The following PCTP variants were observed in gnomAD, a reference collection of about 807,000 sequenced individuals.
The protein encoded by PCTP is START domain-containing protein 2.
PCTP carries 27 observed loss-of-function variants against 31.0 expected under a neutral mutation model. That is an observed-to-expected ratio of 0.87 (90% confidence interval 0.64 to 1.20). The LOEUF is 1.20. Ranked by LOEUF, PCTP falls within the 50% of genes most tolerant of loss-of-function variation. The pLI is 0.00. For missense variants in PCTP, 287 were observed against 268.2 expected, an observed-to-expected ratio of 1.07 and a Z score of -0.49; for synonymous variants, 108 against 101.2, an observed-to-expected ratio of 1.07 and a Z score of -0.40.
At chr17:55,832,308 CTAT>C (rs1248063970) in intron 5 of PCTP, among the ~76,000 whole-genome samples, 2 of 152,162 alleles carry the variant, frequency 1.3e-5, no homozygotes, top group African/African-American at 4.8e-5. Flanking sequence ...AAGTATCATG[CTAT>C]TATTATTTTT....
chr17:55,785,602 CAA>C (rs1236376180), intron 2 of PCTP, among the ~76,000 whole-genome samples: 1 of 152,208 alleles, frequency 6.6e-6, no homozygotes, highest in Non-Finnish European at 1.5e-5. Context: ...CCAAACCAAA[CAA>C]AATGATCACA....
At chr17:55,763,905 T>G (rs1910484070) in intron 1 of PCTP, among the ~76,000 whole-genome samples, 2 of 152,180 alleles carry the variant, frequency 1.3e-5, no homozygotes, top group African/African-American at 4.8e-5. Context: ...ATTGTATTGA[T>G]GAAGTAGGAA....
At chr17:55,766,060 G>A (rs531481032) in intron 1 of PCTP, among the ~76,000 whole-genome samples, 1 of 152,178 alleles carries the variant, frequency 6.6e-6, no homozygotes, top group African/African-American at 2.4e-5. Flanking sequence ...CCCTTGCAAG[G>A]CATCATTTAT....
intron 5 of PCTP, among the ~76,000 whole-genome samples, chr17:55,841,578 G>A (rs1337479215): frequency 2.0e-5 from 3 of 152,036 alleles, no homozygotes; most frequent in Admixed American, 6.6e-5. Flanking sequence ...TTAATGCCAC[G>A]GTCTGTGGTT....
intron 5 of PCTP, chr17:55,775,834 G>A: frequency 1.2e-5 from 16 of 1,297,740 alleles, no homozygotes; most frequent in African/African-American, 1.5e-5. Flanking sequence ...TGCAACAGAA[G>A]TTCCTGTTGA....
chr17:55,845,286 T>A (rs114824164), downstream of PCTP, among the ~76,000 whole-genome samples: 1,039 of 152,098 alleles, frequency 6.8e-3, 15 homozygotes, highest in African/African-American at 0.023. Context: ...ACTTTGCTCA[T>A]AGGTCTTTCA....
chr17:55,754,093 G>A (rs1011837220), intron 1 of PCTP, among the ~76,000 whole-genome samples: 1 of 152,204 alleles, frequency 6.6e-6, no homozygotes, highest in African/African-American at 2.4e-5. Flanking sequence ...CACCAAGTAA[G>A]CAGTCAGTTT....
At chr17:55,775,426 T>C in intron 5 of PCTP, 1 of 1,231,982 alleles carries the variant, frequency 8.1e-7, no homozygotes, top group Non-Finnish European at 1.0e-6. Flanking sequence ...ACAGATTCCT[T>C]GGAAGAGTGA....
intron 3 of PCTP, among the ~76,000 whole-genome samples, chr17:55,793,712 G>C (rs7221551): frequency 0.042 from 6,448 of 152,092 alleles, 447 homozygotes; most frequent in African/African-American, 0.14. Context: ...GGCGGTAGTC[G>C]CTGCTCTCAT....
chr17:55,823,250 A>G (rs936982149), downstream of PCTP, among the ~76,000 whole-genome samples: 1 of 152,230 alleles, frequency 6.6e-6, no homozygotes, highest in Non-Finnish European at 1.5e-5. Context: ...TTTTTACCCT[A>G]GTATTACAAA....
downstream of PCTP, among the ~76,000 whole-genome samples, chr17:55,846,409 T>A (rs1906151296): frequency 6.6e-6 from 1 of 152,084 alleles, no homozygotes; most frequent in African/African-American, 2.4e-5. Context: ...GCTACATCAA[T>A]AATCACACAT....
downstream of PCTP, among the ~76,000 whole-genome samples, chr17:55,779,667 C>A (rs775560905): frequency 8.5e-5 from 13 of 152,276 alleles, no homozygotes; most frequent in African/African-American, 2.4e-4. Context: ...ATGTATTATT[C>A]TTAACACCAT....
intron 5 of PCTP, among the ~76,000 whole-genome samples, chr17:55,839,737 G>A (rs925051234): frequency 2.0e-5 from 3 of 151,012 alleles, no homozygotes; most frequent in African/African-American, 4.9e-5. Flanking sequence ...CGGCTAAAAC[G>A]GTGAAACCCC....
At chr17:55,819,698 T>C (rs868020739) in intron 3 of PCTP, among the ~76,000 whole-genome samples, 8 of 152,208 alleles carry the variant, frequency 5.3e-5, no homozygotes, top group South Asian at 2.1e-4. Flanking sequence ...GAGGCTGCAG[T>C]GAGCTGTGAT....
intron 2 of PCTP, among the ~76,000 whole-genome samples, chr17:55,784,832 C>G (rs183476128): frequency 6.6e-5 from 10 of 152,362 alleles, no homozygotes; most frequent in African/African-American, 1.9e-4. Context: ...TACTTACGAT[C>G]TGGCCCATGC....
At chr17:55,792,812 T>C (rs1381165441) in intron 3 of PCTP, among the ~76,000 whole-genome samples, 1 of 152,174 alleles carries the variant, frequency 6.6e-6, no homozygotes, top group East Asian at 1.9e-4. Flanking sequence ...TTTGTCTTAA[T>C]GTCAGAGCTT....
chr17:55,826,084 G>A (rs940792123), downstream of PCTP, among the ~76,000 whole-genome samples: 24 of 152,244 alleles, frequency 1.6e-4, no homozygotes, highest in African/African-American at 5.8e-4. Flanking sequence ...TTAAGTGTAA[G>A]TAGCAAAGCT....
chr17:55,751,412 C>A (rs552068825), intron 1 of PCTP, 168 bp downstream of exon 1: 265 of 1,534,046 alleles, frequency 1.7e-4, no homozygotes, highest in Middle Eastern at 1.7e-4. Context: ...AGCGCAGGGG[C>A]GGTGCCTCCA....
chr17:55,848,185 C>T, the PCTP span, among the ~76,000 whole-genome samples: 2 of 152,186 alleles, frequency 1.3e-5, no homozygotes, highest in Admixed American at 1.3e-4. Context: ...GCTGAGATTA[C>T]AGGCGTGAGC....
Sources: allele counts gnomAD v4.1 joint callset (sites outside exome capture counted in the v4.1 genomes callset), GRCh38; gene constraint gnomAD v4.1.1; transcripts MANE v1.5; gene names NCBI Gene and HGNC (gene_info 2026-07-23, HGNC 2026-07-21).